ULK4: variants seen among roughly 807,000 people sequenced by gnomAD.
ULK4 encodes the protein unc-51 like kinase 4, also known as inactive serine/threonine-protein kinase ULK4.
A neutral mutation model predicts 160.6 loss-of-function variants in ULK4; 133 were observed. The ratio of observed to expected loss-of-function variants is 0.83; its 90% confidence interval spans 0.72 to 0.96. The LOEUF (loss-of-function observed/expected upper bound fraction) is 0.96. ULK4 is among the 40% of genes least tolerant of loss of function. ULK4 has a pLI of 0.00. For missense variants in ULK4, 1,580 were observed against 1,499.5 expected (o/e 1.05, Z -0.89); for synonymous variants, 534 against 539.8 (o/e 0.99, Z 0.15).
At chr3:41,776,202 T>C (rs2039613942) in intron 21 of ULK4, among the ~76,000 whole-genome samples, 3 of 151,050 alleles carry the variant, frequency 2.0e-5, no homozygotes, top group Non-Finnish European at 4.4e-5. Context: ...AATTCAAGCA[T>C]CTTTTCCCAA....
At chr3:41,755,705 A>G (rs2038775775) in intron 21 of ULK4, among the ~76,000 whole-genome samples, 1 of 152,220 alleles carries the variant, frequency 6.6e-6, no homozygotes, top group African/African-American at 2.4e-5. Context: ...AAGCTCTTCC[A>G]GATTATAAGA....
intron 27 of ULK4, among the ~76,000 whole-genome samples, chr3:41,701,089 A>G (rs2036658327): frequency 6.6e-6 from 1 of 152,112 alleles, no homozygotes; most frequent in African/African-American, 2.4e-5. Context: ...TAAGAATTAG[A>G]AAAAAATGAG....
At chr3:41,665,923 T>A (rs909151154) in intron 29 of ULK4, among the ~76,000 whole-genome samples, 8 of 152,206 alleles carry the variant, frequency 5.3e-5, no homozygotes, top group African/African-American at 1.9e-4. Flanking sequence ...AGAAAACTTG[T>A]TATACTCCCA....
intron 2 of ULK4, among the ~76,000 whole-genome samples, chr3:41,945,715 G>A (rs1700092067): frequency 6.6e-6 from 1 of 152,110 alleles, no homozygotes; most frequent in Admixed American, 6.6e-5. Context: ...TCTCCACCCT[G>A]ATGAACTGCC....
Position 41,776,490 on chromosome 3 carries a change from A to G in ULK4, c.2193+13171T>C, listed in dbSNP as rs1345487039. Among the ~76,000 whole-genome samples the G allele has an allele frequency of 1.3e-5, 2 of 150,970 alleles. 1 individual carries two copies. The highest frequency in any genetic ancestry group is 5.0e-5 in the African/African-American group (2 of 40,252). ...AACTAATTGAATAAAAATGTGGTAC[A>G]GTCACACTACAAAGTACTAATTTCA... On this transcript the variant is annotated intron_variant, in intron 21 of 36. Transcript: ENST00000301831.
At chr3:41,947,980 T>A (rs1222536953) in intron 2 of ULK4, among the ~76,000 whole-genome samples, 1 of 152,214 alleles carries the variant, frequency 6.6e-6, no homozygotes, top group East Asian at 1.9e-4. Context: ...GTGGCCTTTC[T>A]ATATCCATTA....
intron 21 of ULK4, among the ~76,000 whole-genome samples, chr3:41,772,735 C>G (rs1434029871): frequency 6.6e-6 from 1 of 152,138 alleles, no homozygotes; most frequent in Non-Finnish European, 1.5e-5. Context: ...CCAGCATCAT[C>G]CTGATACCAA....
chr3:41,398,619 T>C (rs1356577064), intron 34 of ULK4, among the ~76,000 whole-genome samples: 1 of 150,910 alleles, frequency 6.6e-6, no homozygotes, highest in Admixed American at 6.6e-5. Flanking sequence ...TTTGAACTCC[T>C]GGGTTCAAGG....
intron 30 of ULK4, among the ~76,000 whole-genome samples, chr3:41,647,809 C>T (rs2034572783): frequency 6.6e-6 from 1 of 152,042 alleles, no homozygotes; most frequent in Non-Finnish European, 1.5e-5. Flanking sequence ...GTGGAGCCTA[C>T]AGAGGCAGGC....
intron 27 of ULK4, among the ~76,000 whole-genome samples, chr3:41,696,837 GAGA>G (rs1559491878): frequency 6.6e-6 from 1 of 152,176 alleles, no homozygotes; most frequent in African/African-American, 2.4e-5. Context: ...GTCAGAGTCA[GAGA>G]AGATGTAACA....
At chr3:41,557,479 C>A (rs765967695) in intron 32 of ULK4, among the ~76,000 whole-genome samples, 1 of 151,778 alleles carries the variant, frequency 6.6e-6, no homozygotes, top group Non-Finnish European at 1.5e-5. Context: ...CAACAGATTG[C>A]GGCCAGGCAT....
At chr3:41,786,598 CAA>C (rs34207417) in intron 21 of ULK4, among the ~76,000 whole-genome samples, 26 of 64,100 alleles carry the variant, frequency 4.1e-4, no homozygotes, top group Non-Finnish European at 3.4e-4. Flanking sequence ...ATCCTGTCTC[CAA>C]AAAAAAAAAA....
intron 35 of ULK4, among the ~76,000 whole-genome samples, chr3:41,395,449 C>T (rs566428059): frequency 1.2e-4 from 18 of 152,164 alleles, no homozygotes; most frequent in African/African-American, 3.9e-4. Context: ...GCCCTAAAAA[C>T]GGAGGAAATT....
At chr3:41,790,785 C>T (rs1425846112) in intron 20 of ULK4, among the ~76,000 whole-genome samples, 3 of 151,928 alleles carry the variant, frequency 2.0e-5, no homozygotes, top group Non-Finnish European at 2.9e-5. Context: ...GTCAACAAAG[C>T]TAGGAACTTA....
intron 35 of ULK4, among the ~76,000 whole-genome samples, chr3:41,271,639 C>A (rs1399304952): frequency 6.6e-6 from 1 of 152,112 alleles, no homozygotes. Flanking sequence ...GGTGATCCAC[C>A]TGCCTCGGCC....
At chr3:41,445,683 G>A (rs1253867172) in intron 34 of ULK4, among the ~76,000 whole-genome samples, 13 of 152,204 alleles carry the variant, frequency 8.5e-5, no homozygotes, top group Non-Finnish European at 1.6e-4. Context: ...GGAGAAAGCT[G>A]AAACTGGATC....
chr3:41,623,904 A>G (rs2033370289), intron 30 of ULK4, among the ~76,000 whole-genome samples: 1 of 152,214 alleles, frequency 6.6e-6, no homozygotes, highest in Admixed American at 6.5e-5. Flanking sequence ...CACAAAGTAT[A>G]CACATATCAT....
At chr3:41,765,156 C>T (rs895136758) in intron 21 of ULK4, among the ~76,000 whole-genome samples, 2 of 152,312 alleles carry the variant, frequency 1.3e-5, no homozygotes, top group Non-Finnish European at 2.9e-5. Flanking sequence ...TTGGAACCAA[C>T]CCAAATGTCC....
chr3:41,830,273 G>T (rs550036205), intron 18 of ULK4, among the ~76,000 whole-genome samples: 1 of 151,930 alleles, frequency 6.6e-6, no homozygotes, highest in African/African-American at 2.4e-5. Context: ...TTATGCACAT[G>T]TACCCTAAAA....
Sources: gnomAD v4.1 joint callset for allele counts (sites outside exome capture counted in the v4.1 genomes callset) on GRCh38, gnomAD v4.1.1 for gene constraint, MANE v1.5 for transcripts, NCBI Gene and HGNC (gene_info 2026-07-23, HGNC 2026-07-21) for gene names.